Variants in CSNK1G3 observed in about 807,000 individuals in gnomAD.
CSNK1G3 encodes the protein casein kinase 1 gamma 3.
Under a neutral mutation model 64.3 loss-of-function variants are expected in CSNK1G3, and 23 were observed. That is an observed-to-expected ratio of 0.36 (90% CI 0.26 to 0.51). The LOEUF (loss-of-function observed/expected upper bound fraction) is 0.51. Among genes scored for constraint, CSNK1G3 ranks in the 20% least tolerant of loss-of-function variants. The pLI, the probability that CSNK1G3 is intolerant of heterozygous loss-of-function variation, is 0.96. For synonymous variants in CSNK1G3, 158 were observed against 162.2 expected (o/e 0.97, Z 0.20); for missense variants, 357 against 510.5 (o/e 0.70, Z 2.90).
chr5:123,590,588 T>G, intron 9 of CSNK1G3, 30 bp downstream of exon 9: 1 of 1,325,864 alleles, frequency 7.5e-7, no homozygotes, highest in Non-Finnish European at 1.0e-6. Flanking sequence ...ATATATTACT[T>G]ACAGTATCTG....
intron 2 of CSNK1G3, among the ~76,000 whole-genome samples, chr5:123,548,399 C>CAGTG (rs1472715778): frequency 7.5e-6 from 1 of 133,906 alleles, no homozygotes; most frequent in Non-Finnish European, 1.5e-5. Flanking sequence ...TTTAAGGTTG[C>CAGTG]AGTGACCTGT....
intron 6 of CSNK1G3, among the ~76,000 whole-genome samples, chr5:123,577,550 ATCT>A (rs893941006): frequency 1.5e-5 from 2 of 133,852 alleles, no homozygotes; most frequent in Non-Finnish European, 3.3e-5. Context: ...CCATATTTGT[ATCT>A]TTTTTTTTAA....
Position 123,570,068 on chromosome 5 carries a change from G to A in CSNK1G3, c.290-3325G>A, listed in dbSNP as rs181315235. 1.8e-3 allele frequency among the ~76,000 whole-genome samples: 272 copies of A among 152,148 alleles called. 3 individuals carry two copies. Among genetic ancestry groups the A allele is most frequent in the African/African-American group, 4.1e-3 (171 of 41,510 alleles). On this transcript the variant is annotated intron_variant, in intron 4 of 12. Coordinates refer to ENST00000345990, the Ensembl canonical transcript of CSNK1G3. ...TCCTGGATTAAAACATTCTTAGCAT[G>A]GTTTCTCATTCACTTATGTATCCGT... is the stretch of plus-strand genomic sequence containing the variant.
chr5:123,545,948 T>A, intron 2 of CSNK1G3, 107 bp downstream of exon 2: 1 of 967,016 alleles, frequency 1.0e-6, no homozygotes, highest in Non-Finnish European at 1.5e-6. Context: ...GTTTAATGGT[T>A]GTGGTAATTT....
At chr5:123,565,238 T>G (rs928235072) in intron 4 of CSNK1G3, among the ~76,000 whole-genome samples, 18 of 152,140 alleles carry the variant, frequency 1.2e-4, no homozygotes, top group African/African-American at 4.3e-4. Context: ...AGTCCCATAG[T>G]CTCTGGAATG....
At chr5:123,605,083 C>G (rs1297465313) in intron 11 of CSNK1G3, among the ~76,000 whole-genome samples, 1 of 151,918 alleles carries the variant, frequency 6.6e-6, no homozygotes, top group African/African-American at 2.4e-5. Flanking sequence ...ATATTTTTAG[C>G]TTTTGAGTTT....
chr5:123,553,122 C>T, exon 3 of CSNK1G3: 1 of 1,402,362 alleles, frequency 7.1e-7, no homozygotes, highest in Admixed American at 2.5e-5. Flanking sequence ...AATTTATACA[C>T]AAATGAATAT....
intron 4 of CSNK1G3, among the ~76,000 whole-genome samples, chr5:123,561,323 A>G (rs931128371): frequency 6.6e-6 from 1 of 152,248 alleles, no homozygotes; most frequent in African/African-American, 2.4e-5. Context: ...TTAAAGCTAA[A>G]GAAATGGATG....
intron 5 of CSNK1G3, among the ~76,000 whole-genome samples, chr5:123,575,220 C>T (rs575265101): frequency 6.6e-6 from 1 of 151,850 alleles, no homozygotes; most frequent in East Asian, 1.9e-4. Context: ...TGTTTAATAC[C>T]TAGGAAAAAG....
intron 2 of CSNK1G3, among the ~76,000 whole-genome samples, chr5:123,549,576 G>A (rs922886347): frequency 1.3e-5 from 2 of 152,170 alleles, no homozygotes; most frequent in Non-Finnish European, 2.9e-5. Flanking sequence ...TTCAAACTAA[G>A]TAATCCTTTA....
chr5:123,515,609 G>A (rs1488238804), intron 1 of CSNK1G3, among the ~76,000 whole-genome samples: 2 of 151,978 alleles, frequency 1.3e-5, no homozygotes, highest in Non-Finnish European at 2.9e-5. Flanking sequence ...CTAAAATAAT[G>A]TAACCCCACA....
At chr5:123,569,963 A>T (rs979648162) in intron 4 of CSNK1G3, among the ~76,000 whole-genome samples, 2 of 152,176 alleles carry the variant, frequency 1.3e-5, no homozygotes, top group African/African-American at 2.4e-5. Flanking sequence ...CTTTAAGATA[A>T]TCTTAAGGTT....
chr5:123,547,428 C>T (rs1485783109), intron 2 of CSNK1G3, among the ~76,000 whole-genome samples: 1 of 151,866 alleles, frequency 6.6e-6, no homozygotes. Flanking sequence ...ACACACACGG[C>T]ACATGTATAT....
chr5:123,612,841 TAC>T lies in CSNK1G3; in HGVS notation c.1218-1497_1218-1496del, dbSNP rs1422562657. Among the ~76,000 whole-genome samples, 17 of 152,286 alleles carry T rather than the reference TAC, an allele frequency of 1.1e-4. 1 individual carries two copies. The highest frequency in any genetic ancestry group is 6.8e-3 in the Middle Eastern group (2 of 294). On this transcript the variant is annotated intron_variant, in intron 12 of 12. Coordinates refer to ENST00000345990, the Ensembl canonical transcript of CSNK1G3. ...GAAACATCTTTATAAGGGCATATTATACACAGTCTGAATTGGCAGCTCTCGAT... is the reference window on the plus strand; with the variant it reads ...GAAACATCTTTATAAGGGCATATTATACAGTCTGAATTGGCAGCTCTCGAT...
At chr5:123,518,948 TG>T (rs762948659) in intron 1 of CSNK1G3, among the ~76,000 whole-genome samples, 31 of 152,300 alleles carry the variant, frequency 2.0e-4, no homozygotes, top group Non-Finnish European at 2.6e-4. Flanking sequence ...TTAGTATACA[TG>T]GGCTTTCTCC....
intron 5 of CSNK1G3, 102 bp from the exon 6 acceptor site, chr5:123,575,627 T>G (rs1789014988): frequency 1.5e-6 from 1 of 684,172 alleles, no homozygotes; most frequent in Admixed American, 2.9e-5. Flanking sequence ...AATTTCTGAT[T>G]TATTTCTTTT....
At chr5:123,604,872 A>G (rs1250204252) in intron 11 of CSNK1G3, 42 bp downstream of exon 12, 4 of 1,406,154 alleles carry the variant, frequency 2.8e-6, no homozygotes, top group Non-Finnish European at 4.0e-6. Context: ...TTTTGTTCTT[A>G]AATTATGCAT....
intron 12 of CSNK1G3, among the ~76,000 whole-genome samples, chr5:123,607,291 A>C (rs1040852144): frequency 3.3e-5 from 5 of 152,160 alleles, no homozygotes; most frequent in Admixed American, 2.6e-4. Flanking sequence ...TTGCTATGTT[A>C]TCCTCTGTAT....
intron 4 of CSNK1G3, among the ~76,000 whole-genome samples, chr5:123,570,873 T>A (rs1423591895): frequency 3.9e-5 from 6 of 152,180 alleles, no homozygotes; most frequent in Admixed American, 2.6e-4. Context: ...TTTTCAAAGC[T>A]TAGTAGCTGA....
Sources: gnomAD v4.1 joint callset for allele counts (sites outside exome capture counted in the v4.1 genomes callset) on GRCh38, gnomAD v4.1.1 for gene constraint, MANE v1.5 for transcripts, NCBI Gene and HGNC (gene_info 2026-07-23, HGNC 2026-07-21) for gene names.